The following HNRNPLL variants were observed in gnomAD, a reference collection of about 807,000 sequenced individuals.
The protein encoded by HNRNPLL is heterogeneous nuclear ribonucleoprotein L like.
In HNRNPLL, 25 loss-of-function variants were observed where a neutral mutation model predicts 67.1. That is an observed-to-expected ratio of 0.37 (90% confidence interval 0.27 to 0.52). The LOEUF (loss-of-function observed/expected upper bound fraction) is 0.52, where lower values mean the gene tolerates loss of function less well. Among genes scored for constraint, HNRNPLL ranks in the 20% least tolerant of loss-of-function variants. The probability of loss-of-function intolerance (pLI) is 0.90; values close to 1 mark genes in which losing one functional copy is unlikely to be tolerated. For synonymous variants in HNRNPLL, 267 were observed against 241.7 expected (o/e 1.10, Z -0.97); for missense variants, 542 against 673.9 (o/e 0.80, Z 2.17).
rs768647249 is a variant in HNRNPLL at position 38,585,679 on chromosome 2, G to A, written c.511C>T (p.Leu171Phe). The part of the protein sequence containing the change: ...DPSGGNKVLL[L>F]SIQNPLYPIT... ...GGATAAAGCGGATTCTGAATTGAGA[G>A]CAGAAGAACTTTGTTGCCTCCTGAT... is the stretch of plus-strand genomic sequence containing the variant. The change falls in exon 3 of 13, where the codon CTC becomes TTC. Residue 171 changes from leucine (L) to phenylalanine (F), a missense_variant. Leu to Phe is a conservative substitution (Grantham distance 22, BLOSUM62 0). This residue lies in a region of HNRNPLL where 415 missense variants were observed against 575.2 expected (regional missense o/e 0.72). Coordinates refer to ENST00000449105, the MANE Select transcript of HNRNPLL (RefSeq NM_138394.4). The A allele has an allele frequency of 8.1e-6, 13 of 1,608,776 alleles. No individual in the cohort carries two copies. In the East Asian group the frequency reaches 8.9e-5, roughly 11 times the overall value.
intron 2 of HNRNPLL, 68 bp from the exon 3 acceptor site, chr2:38,585,949 T>A: frequency 1.1e-6 from 1 of 935,142 alleles, no homozygotes; most frequent in Non-Finnish European, 1.7e-6. Context: ...TGTCCTCAAT[T>A]AAGTAAAAGC....
Position 38,595,582 on chromosome 2 carries a change from C to T in HNRNPLL, c.190-3934G>A, listed in dbSNP as rs572301807. On this transcript the variant is annotated intron_variant, in intron 1 of 12. Coordinates refer to ENST00000449105, the MANE Select transcript of HNRNPLL (RefSeq NM_138394.4). ...AATGTGGGCCGGGCGCAGTGGCTCA[C>T]GCCTGTAATGCCAGCCCTTTGGGAG... is the stretch of plus-strand genomic sequence containing the variant. Among the ~76,000 whole-genome samples the T allele has an allele frequency of 2.6e-3, 396 of 152,286 alleles. 2 individuals carry two copies. Among genetic ancestry groups the T allele is most frequent in the African/African-American group, 7.4e-3 (308 of 41,564 alleles).
intron 8 of HNRNPLL, among the ~76,000 whole-genome samples, chr2:38,572,987 ATTGG>A (rs1485072185): frequency 1.3e-5 from 2 of 151,966 alleles, no homozygotes; most frequent in African/African-American, 4.8e-5. Context: ...TTCTTTTTAT[ATTGG>A]TTATTTTAAA....
intron 6 of HNRNPLL, among the ~76,000 whole-genome samples, chr2:38,580,238 T>C (rs141058550): frequency 5.1e-4 from 77 of 152,208 alleles, no homozygotes; most frequent in African/African-American, 1.6e-3. Flanking sequence ...ACTTGTCCGG[T>C]TGTTTCAGTG....
chr2:38,588,277 C>T (rs747124779), intron 2 of HNRNPLL, among the ~76,000 whole-genome samples: 1 of 152,040 alleles, frequency 6.6e-6, no homozygotes, highest in Non-Finnish European at 1.5e-5. Flanking sequence ...TGGCTAGGCA[C>T]GGTGGCTCAT....
At chr2:38,596,861 A>G (rs145006680) in intron 1 of HNRNPLL, among the ~76,000 whole-genome samples, 1 of 152,244 alleles carries the variant, frequency 6.6e-6, no homozygotes, top group Non-Finnish European at 1.5e-5. Flanking sequence ...TGCAACATAC[A>G]TGCACTTTAC....
chr2:38,587,465 C>T (rs1666782038), intron 2 of HNRNPLL, among the ~76,000 whole-genome samples: 1 of 152,112 alleles, frequency 6.6e-6, no homozygotes, highest in South Asian at 2.1e-4. Context: ...TAGTTTTCCC[C>T]ACCCATATCA....
Position 38,568,254 on chromosome 2 carries a change from T to G in HNRNPLL, c.1518A>C (p.Lys506Asn). Residue 506 changes from lysine to asparagine, a missense_variant, in exon 12 of 13, where the codon AAA becomes AAC. This residue lies in a region of HNRNPLL where 415 missense variants were observed against 575.2 expected (regional missense o/e 0.72). Coordinates refer to ENST00000449105, the MANE Select transcript of HNRNPLL (RefSeq NM_138394.4). ...TLSGLLEWEC[K>N]TDAVEALTAL... ...CCGTAAGGGCTTCTACTGCATCAGT[T>G]TTGCACTCCCATTCTAATAGCCCAG... 3 of 1,613,718 alleles carry G rather than the reference T, an allele frequency of 1.9e-6. No individual in the cohort carries two copies. The highest frequency in any genetic ancestry group is 2.5e-6 in the Non-Finnish European group (3 of 1,179,760).
chr2:38,583,315 C>G (rs1441936901), intron 4 of HNRNPLL, among the ~76,000 whole-genome samples: 1 of 152,150 alleles, frequency 6.6e-6, no homozygotes, highest in Non-Finnish European at 1.5e-5. Flanking sequence ...TATGCATACA[C>G]ATGCACACGT....
chr2:38,590,944 C>T (rs1187357496), intron 2 of HNRNPLL, among the ~76,000 whole-genome samples: 1 of 152,048 alleles, frequency 6.6e-6, no homozygotes, highest in Non-Finnish European at 1.5e-5. Context: ...GGTGGAGGCT[C>T]CAGTGAGCCA....
chr2:38,599,850 T>C (rs183680462), intron 1 of HNRNPLL: 16 of 469,566 alleles, frequency 3.4e-5, no homozygotes, highest in Admixed American at 3.3e-4. Context: ...CTTTGCACTT[T>C]ACAAACTTCC....
At chr2:38,586,545 A>G (rs1666742288) in intron 2 of HNRNPLL, among the ~76,000 whole-genome samples, 1 of 152,244 alleles carries the variant, frequency 6.6e-6, no homozygotes, top group Non-Finnish European at 1.5e-5. Context: ...AGGTTGGCAG[A>G]CAGAATCCCT....
intron 1 of HNRNPLL, 39 bp downstream of exon 1, chr2:38,602,399 C>T (rs1265807368): frequency 1.3e-6 from 2 of 1,536,388 alleles, no homozygotes; most frequent in South Asian, 1.2e-5. Flanking sequence ...TCCCGGGGAG[C>T]AGCCAGGCAC....
chr2:38,571,610 A>G (rs1666087300), intron 8 of HNRNPLL, among the ~76,000 whole-genome samples: 1 of 152,152 alleles, frequency 6.6e-6, no homozygotes, highest in Non-Finnish European at 1.5e-5. Context: ...CTTCTCATGG[A>G]CAAAATTCCT....
rs200754085 is a variant in HNRNPLL, at chr2:38,597,386, CAAGAAT to C, written c.189+5046_189+5051del. On this transcript the variant is annotated intron_variant, in intron 1 of 12. Transcript: ENST00000449105. ...ACATTAAAATTTATCAATGCAGTCC[CAAGAAT>C]AAGTACAGTATTTCCAGACATAAAA... is the stretch of plus-strand genomic sequence containing the variant. Among the ~76,000 whole-genome samples the C allele has an allele frequency of 6.0e-3, 918 of 152,270 alleles. 6 individuals are homozygous for C. The highest frequency in any genetic ancestry group is 0.021 in the African/African-American group (874 of 41,534).
intron 1 of HNRNPLL, among the ~76,000 whole-genome samples, chr2:38,595,970 T>C (rs559826626): frequency 1.6e-4 from 25 of 152,324 alleles, no homozygotes; most frequent in African/African-American, 5.8e-4. Flanking sequence ...TCCCACTCAA[T>C]GAATCTGCCA....
At chr2:38,573,182 A>G (rs1558532265) in intron 8 of HNRNPLL, 28 bp downstream of exon 8, 1 of 1,485,572 alleles carries the variant, frequency 6.7e-7, no homozygotes, top group Non-Finnish European at 9.2e-7. Context: ...TATCCTAGCA[A>G]AAGAAACCAA....
At chr2:38,579,166 G>A (rs1000668811) in intron 6 of HNRNPLL, among the ~76,000 whole-genome samples, 8 of 152,114 alleles carry the variant, frequency 5.3e-5, no homozygotes, top group Admixed American at 1.3e-4. Context: ...AGAGAACTGG[G>A]TTGGGAATCA....
At chr2:38,593,681 G>C (rs1229080928) in intron 1 of HNRNPLL, among the ~76,000 whole-genome samples, 2 of 152,146 alleles carry the variant, frequency 1.3e-5, no homozygotes, top group African/African-American at 4.8e-5. Context: ...AAGATCAGGA[G>C]TTCCAGACCA....
Sources: allele counts gnomAD v4.1 joint callset (sites outside exome capture counted in the v4.1 genomes callset), GRCh38; gene constraint gnomAD v4.1.1; regional missense constraint gnomAD v4.1.1; transcripts MANE v1.5; gene names NCBI Gene and HGNC (gene_info 2026-07-23, HGNC 2026-07-21).